The following RNF19A variants were observed in gnomAD, a reference collection of about 807,000 sequenced individuals.
RNF19A encodes the protein ring finger protein 19A, RBR E3 ubiquitin protein ligase.
RNF19A carries 32 observed loss-of-function variants against 75.7 expected under a neutral mutation model. The ratio of observed to expected loss-of-function variants is 0.42; its 90% CI spans 0.32 to 0.57. The LOEUF (loss-of-function observed/expected upper bound fraction) is 0.57. Ranked by LOEUF, RNF19A falls within the 20% of genes least tolerant of loss-of-function variation. The pLI is 0.10. For missense variants in RNF19A, 782 were observed against 1,036.3 expected (o/e 0.75, Z 3.37); for synonymous variants, 335 against 345.2 (o/e 0.97, Z 0.33).
At chr8:100,320,244 A>G (rs1822446137) in intron 1 of RNF19A, among the ~76,000 whole-genome samples, 2 of 152,232 alleles carry the variant, frequency 1.3e-5, no homozygotes, top group Non-Finnish European at 2.9e-5. Context: ...TTTTACATAA[A>G]TGATTTTATA....
chr8:100,319,599 G>A (rs533996413), intron 1 of RNF19A, among the ~76,000 whole-genome samples: 9 of 145,600 alleles, frequency 6.2e-5, no homozygotes, highest in African/African-American at 2.0e-4. Context: ...GCACAATCTC[G>A]GCTCATTGCA....
intron 1 of RNF19A, among the ~76,000 whole-genome samples, chr8:100,328,294 G>C (rs1045923841): frequency 6.6e-6 from 1 of 152,122 alleles, no homozygotes; most frequent in African/African-American, 2.4e-5. Context: ...GAGACTCATT[G>C]AGTCAAAAGA....
rs2130410833 is a variant in RNF19A at position 100,331,424 on chromosome 8, C to G, written c.-243+4684G>C. 6.6e-6 allele frequency among the ~76,000 whole-genome samples: 1 copy of G among 152,200 alleles called. No homozygotes were observed. The highest frequency in any genetic ancestry group is 2.1e-4 in the South Asian group (1 of 4,818). The stretch of plus-strand genomic sequence containing the variant: ...GTCAAGGTGGGAGGACTGCTTGAGC[C>G]CAGGAGTTTGGGACCAGCCTGGACA... On this transcript the variant is annotated intron_variant, in intron 1 of 3. Coordinates refer to the RNF19A transcript ENST00000519527. This position sits in a 1 kb window ranked among gnomAD's most constrained non-coding sequence, Gnocchi z 5.2.
chr8:100,308,281 T>C (rs1480163916), intron 1 of RNF19A, among the ~76,000 whole-genome samples: 1 of 152,148 alleles, frequency 6.6e-6, no homozygotes, highest in Non-Finnish European at 1.5e-5. Flanking sequence ...TACAGTAATT[T>C]AAAAAAAGAG....
At chr8:100,289,934 T>C (rs1586652335) in intron 1 of RNF19A, among the ~76,000 whole-genome samples, 1 of 152,192 alleles carries the variant, frequency 6.6e-6, no homozygotes, top group East Asian at 1.9e-4. Context: ...TTGTGGTATA[T>C]TCACACTCTA....
rs1821079416 is a variant in RNF19A, at chr8:100,287,512, A to G, written c.663T>C (p.Ala221=). The G allele has an allele frequency of 1.9e-6, 3 of 1,610,112 alleles. No homozygotes were observed. In the Admixed American group the frequency reaches 5.0e-5, roughly 27 times the overall value. ...VADPDCRWCP[A]PDCGYAVIAF... ...CATTATCTTCTTACCCACAGTCTGG[A>G]GCTGGACACCACCTACAATCAGGAT... The change falls in exon 2 of 10, where the codon GCT becomes GCC. Residue 221 remains alanine, a synonymous_variant. Coordinates refer to ENST00000341084, the MANE Select transcript of RNF19A (RefSeq NM_183419.4). This position sits in a 1 kb window ranked among gnomAD's most constrained non-coding sequence, Gnocchi z 4.1.
At chr8:100,277,268 A>G (rs1023314511) in intron 2 of RNF19A, among the ~76,000 whole-genome samples, 3 of 152,206 alleles carry the variant, frequency 2.0e-5, no homozygotes, top group Non-Finnish European at 1.5e-5. Flanking sequence ...GGATTTTAAG[A>G]GTCAGGGAGT....
rs1342076691 is a variant in RNF19A, at chr8:100,331,108, C to G, written c.-243+5000G>C. 6.6e-6 allele frequency among the ~76,000 whole-genome samples: 1 copy of G among 152,180 alleles called. No individual in the cohort carries two copies. Among genetic ancestry groups the G allele is most frequent in the Middle Eastern group, 3.2e-3 (1 of 316 alleles). On this transcript the variant is annotated intron_variant, in intron 1 of 3. Transcript: ENST00000519527. This position sits in a 1 kb window ranked among gnomAD's most constrained non-coding sequence, Gnocchi z 5.2. Reference sequence around the variant, plus strand: ...TCTCCTATCTAACACATTTATTAAGCACATCCCATATGGGTCAGGTGCTGG... The same window carrying G: ...TCTCCTATCTAACACATTTATTAAGGACATCCCATATGGGTCAGGTGCTGG...
chr8:100,286,954 A>G (rs1287914141), intron 2 of RNF19A, among the ~76,000 whole-genome samples: 2 of 152,182 alleles, frequency 1.3e-5, no homozygotes, highest in Non-Finnish European at 2.9e-5. Context: ...TAATTCAAAA[A>G]CTTGAGGCAA....
chr8:100,286,187 C>A (rs546033488), intron 2 of RNF19A, among the ~76,000 whole-genome samples: 1 of 152,122 alleles, frequency 6.6e-6, no homozygotes, highest in Admixed American at 6.5e-5. Flanking sequence ...TTTAAAGCTA[C>A]TATTCATTAT....
At position 100,261,133 on chromosome 8, in the gene RNF19A, C is replaced by T. The variant is rs180831223; in HGVS notation, c.1682+409G>A. ...TTTTTTTGAGACAGGGTCTCACTGT[C>T]ACTCAGGTTGGAGCTCAGTGGTGTG... On this transcript the variant is annotated intron_variant, in intron 8 of 9. Transcript: ENST00000341084. The surrounding 1 kb of genome is among the most constrained non-coding windows in gnomAD (Gnocchi z 4.4). 5.5e-4 allele frequency among the ~76,000 whole-genome samples: 83 copies of T among 152,076 alleles called. No individual in the cohort carries two copies. Among genetic ancestry groups the T allele is most frequent in the Non-Finnish European group, 5.9e-4 (40 of 67,974 alleles).
At chr8:100,274,643 C>T (rs1820416775) in intron 3 of RNF19A, among the ~76,000 whole-genome samples, 1 of 152,110 alleles carries the variant, frequency 6.6e-6, no homozygotes, top group Non-Finnish European at 1.5e-5. Flanking sequence ...CCTCAGCCTC[C>T]CAAAGTACTG....
In RNF19A at chr8:100,288,001, CT is replaced by C; in HGVS notation, c.173del (p.Lys58ArgfsTer10). On this transcript the variant is annotated frameshift_variant, in exon 2 of 10. Coordinates refer to ENST00000341084, the MANE Select transcript of RNF19A (RefSeq NM_183419.4). LOFTEE classifies it high-confidence loss of function. ...ASSVSLPSVK[K>X]APKKRRISIG... ...TTGAAATTCTTCTTTTTTTGGGTGC[CT>C]TTTTGACTGAAGGCAAGCTCACAGA... The C allele has an allele frequency of 6.2e-7, 1 of 1,614,004 alleles. No individual in the cohort carries two copies. Among genetic ancestry groups the C allele is most frequent in the Non-Finnish European group, 8.5e-7 (1 of 1,179,968 alleles).
Position 100,260,048 on chromosome 8 carries a change from T to C in RNF19A, c.1683-51A>G, listed in dbSNP as rs1563830359. 1 of 1,466,436 alleles carries C rather than the reference T, an allele frequency of 6.8e-7. No homozygotes were observed. Among genetic ancestry groups the C allele is most frequent in the Admixed American group, 1.8e-5 (1 of 56,082 alleles). The allele number at this position is 1,466,436 out of a possible 1,614,324, so 90.8% of individuals were successfully genotyped here. ...AAATTATATTTAATATCAGCACTAC[T>C]GTAATATGTATCTTTAAATAATTCA... On this transcript the variant is annotated intron_variant, in intron 8 of 9. Transcript: ENST00000341084. This position sits in a 1 kb window ranked among gnomAD's most constrained non-coding sequence, Gnocchi z 4.1.
chr8:100,259,602 A>G lies in RNF19A; in HGVS notation c.1826+252T>C, dbSNP rs1819618160. The stretch of plus-strand genomic sequence containing the variant: ...CATCACCACTACCTAACTTCAGAAC[A>G]TTTTCATGATCCCAAAAAGGGATCT... On this transcript the variant is annotated intron_variant, in intron 9 of 9. Coordinates refer to ENST00000341084, the MANE Select transcript of RNF19A (RefSeq NM_183419.4). The surrounding 1 kb of genome is among the most constrained non-coding windows in gnomAD (Gnocchi z 4.5). Among the ~76,000 whole-genome samples the G allele has an allele frequency of 6.6e-6, 1 of 152,046 alleles. No homozygotes were observed. The highest frequency in any genetic ancestry group is 1.5e-5 in the Non-Finnish European group (1 of 68,014).
Position 100,257,915 on chromosome 8 carries a change from C to G in RNF19A, c.*641G>C. The G allele has an allele frequency of 2.5e-6, 1 of 398,156 alleles. No homozygotes were observed. The highest frequency in any genetic ancestry group is 4.4e-6 in the Non-Finnish European group (1 of 225,656). 24.7% of individuals were successfully genotyped at this position (398,156 alleles called of 1,614,324 possible). A position where few individuals can be genotyped will look rare whatever the true frequency, so the allele number is the denominator to read the frequency against. On this transcript the variant is annotated 3_prime_UTR_variant, in exon 10 of 10. Transcript: ENST00000341084. Reference sequence around the variant, plus strand: ...TACATTTTTTCCTCTAAGATGGCATCAACAATAAACAAGATAGAGTACCAG... The same window carrying G: ...TACATTTTTTCCTCTAAGATGGCATGAACAATAAACAAGATAGAGTACCAG...
intron 1 of RNF19A, among the ~76,000 whole-genome samples, chr8:100,303,623 G>C (rs527384451): frequency 1.3e-5 from 2 of 152,068 alleles, no homozygotes; most frequent in African/African-American, 2.4e-5. Context: ...TTTAACGTTT[G>C]TGCATAATTT....
rs775711924 is a variant in RNF19A, at chr8:100,264,802, T to C, written c.1192-17A>G. ...ATTGTGAATCTTGAATTAATAAAAA[T>C]AGGGGTGGGGGATTAAAGAGAAAAT... On this transcript the variant is annotated splice_polypyrimidine_tract_variant and intron_variant, in intron 5 of 9. Transcript: ENST00000341084. The surrounding 1 kb of genome is among the most constrained non-coding windows in gnomAD (Gnocchi z 4.7). 9.8e-6 allele frequency: 15 copies of C among 1,531,110 alleles called. No individual in the cohort carries two copies. In the South Asian group the frequency reaches 1.5e-4, roughly 15 times the overall value. 94.8% of individuals were successfully genotyped at this position (1,531,110 alleles called of 1,614,324 possible). A position where few individuals can be genotyped will look rare whatever the true frequency, so the allele number is the denominator to read the frequency against.
In RNF19A at chr8:100,269,817, C is replaced by T; in HGVS notation, c.1028+52G>A. Reference sequence around the variant, plus strand: ...CCAAATTTAAGACAAGTTATTTTGTCTTACAATATAAAATTACATTTACAT... The same window carrying T: ...CCAAATTTAAGACAAGTTATTTTGTTTTACAATATAAAATTACATTTACAT... On this transcript the variant is annotated intron_variant, in intron 4 of 9. Coordinates refer to ENST00000341084, the MANE Select transcript of RNF19A (RefSeq NM_183419.4). This position sits in a 1 kb window ranked among gnomAD's most constrained non-coding sequence, Gnocchi z 5.7. The T allele has an allele frequency of 7.2e-7, 1 of 1,390,834 alleles. No homozygotes were observed. Among genetic ancestry groups the T allele is most frequent in the Admixed American group, 2.5e-5 (1 of 40,546 alleles). The allele number at this position is 1,390,834 out of a possible 1,614,324, so 86.2% of individuals were successfully genotyped here. A position where few individuals can be genotyped will look rare whatever the true frequency, so the allele number is the denominator to read the frequency against.
Sources: gnomAD v4.1 joint callset for allele counts (sites outside exome capture counted in the v4.1 genomes callset) on GRCh38, gnomAD v4.1.1 for gene constraint, Gnocchi (gnomAD v3.1) non-coding constraint, MANE v1.5 for transcripts, NCBI Gene and HGNC (gene_info 2026-07-23, HGNC 2026-07-21) for gene names.